Variants in DLGAP1 observed in about 807,000 individuals in gnomAD.
DLGAP1 encodes the protein DLG associated protein 1, also known as disks large-associated protein 1.
Under a neutral mutation model 90.8 loss-of-function variants are expected in DLGAP1, and 11 were observed. That is an observed-to-expected ratio of 0.12 (90% confidence interval 0.08 to 0.20). The LOEUF (loss-of-function observed/expected upper bound fraction) is 0.20, where lower values mean the gene tolerates loss of function less well. DLGAP1 is among the 10% of genes least tolerant of loss of function. The pLI is 1.00. For missense variants in DLGAP1, 1,050 were observed against 1,333.8 expected, an observed-to-expected ratio of 0.79 and a Z score of 3.31; for synonymous variants, 558 against 540.7, an observed-to-expected ratio of 1.03 and a Z score of -0.44.
chr18:3,640,735 C>T (rs1395945478), intron 7 of DLGAP1, among the ~76,000 whole-genome samples: 4 of 152,260 alleles, frequency 2.6e-5, no homozygotes, highest in Admixed American at 1.3e-4. Flanking sequence ...CTGTGCTTTA[C>T]AGCAAACCTT....
chr18:3,527,795 G>A (rs893604902), intron 10 of DLGAP1, among the ~76,000 whole-genome samples: 33 of 151,996 alleles, frequency 2.2e-4, no homozygotes, highest in Non-Finnish European at 1.5e-5. Context: ...TAGGGTCTCT[G>A]TTGCCCAGGC....
chr18:3,550,086 G>C (rs1190648567), intron 9 of DLGAP1, among the ~76,000 whole-genome samples: 1 of 148,556 alleles, frequency 6.7e-6, no homozygotes, highest in Admixed American at 6.7e-5. Context: ...GCTAATTTTT[G>C]TATTTTTAGT....
chr18:3,666,244 T>C (rs1043266841), intron 7 of DLGAP1, among the ~76,000 whole-genome samples: 1 of 152,176 alleles, frequency 6.6e-6, no homozygotes, highest in Admixed American at 6.5e-5. Flanking sequence ...TTGCAAATAA[T>C]ATCACAAAAC....
intron 4 of DLGAP1, among the ~76,000 whole-genome samples, chr18:3,841,494 T>A (rs1022072587): frequency 2.0e-5 from 3 of 152,196 alleles, no homozygotes; most frequent in Admixed American, 2.0e-4. Flanking sequence ...TCCTTATACA[T>A]TTTTAAGAAT....
At chr18:3,930,047 C>CACCAGGTATTATCTTAA (rs2072481695) in intron 3 of DLGAP1, among the ~76,000 whole-genome samples, 1 of 152,174 alleles carries the variant, frequency 6.6e-6, no homozygotes, top group Non-Finnish European at 1.5e-5. Flanking sequence ...GGGCTAATAA[C>CACCAGGTATTATCTTAA]ACCAGGTATT....
chr18:4,380,523 A>C (rs75223629), intron 1 of DLGAP1, among the ~76,000 whole-genome samples: 3,311 of 152,242 alleles, frequency 0.022, 57 homozygotes, highest in African/African-American at 0.046. Flanking sequence ...TAGATGATCT[A>C]TGTGAAGGTT....
At chr18:4,102,143 C>CA (rs565102400) in intron 2 of DLGAP1, among the ~76,000 whole-genome samples, 75 of 152,148 alleles carry the variant, frequency 4.9e-4, no homozygotes, top group African/African-American at 1.7e-3. Context: ...ACTTTTTACC[C>CA]AAAATAGATG....
chr18:4,072,999 C>T (rs1049473905), intron 2 of DLGAP1, among the ~76,000 whole-genome samples: 1 of 152,130 alleles, frequency 6.6e-6, no homozygotes, highest in African/African-American at 2.4e-5. Flanking sequence ...CTGGACTCCC[C>T]ATTACAAACA....
rs534573421 is a variant in DLGAP1, at chr18:4,342,056, A to C, written c.-267+112950T>G. On this transcript the variant is annotated intron_variant, in intron 1 of 12. Coordinates refer to ENST00000315677, the MANE Select transcript of DLGAP1 (RefSeq NM_004746.4). The surrounding 1 kb of genome is among the most constrained non-coding windows in gnomAD (Gnocchi z 5.8). ...GATCATCTTCAGAATTTCTGAGCGGATAAAGTCCTCGGCATGCGGTGAACA... is the reference window on the plus strand; with the variant it reads ...GATCATCTTCAGAATTTCTGAGCGGCTAAAGTCCTCGGCATGCGGTGAACA... Among the ~76,000 whole-genome samples, 22 of 152,292 alleles carry C rather than the reference A, an allele frequency of 1.4e-4. No individual in the cohort carries two copies. The highest frequency in any genetic ancestry group is 1.5e-4 in the Non-Finnish European group (10 of 68,010).
At chr18:4,125,645 A>C (rs529832326) in intron 2 of DLGAP1, among the ~76,000 whole-genome samples, 1 of 144,756 alleles carries the variant, frequency 6.9e-6, no homozygotes, top group Non-Finnish European at 1.5e-5. Flanking sequence ...ACAAACAAAA[A>C]CAAACAAACG....
At chr18:3,748,621 A>T (rs1009530395) in intron 5 of DLGAP1, among the ~76,000 whole-genome samples, 2 of 152,334 alleles carry the variant, frequency 1.3e-5, no homozygotes, top group East Asian at 3.9e-4. Context: ...CAGGAGGTTA[A>T]TCTAACTTCA....
At chr18:4,386,616 G>A (rs181844403) in intron 1 of DLGAP1, among the ~76,000 whole-genome samples, 160 of 152,320 alleles carry the variant, frequency 1.1e-3, no homozygotes, top group Non-Finnish European at 1.7e-3. Flanking sequence ...GTTAATACAG[G>A]TGATAATGGG....
chr18:4,237,610 T>C (rs1308230487), intron 1 of DLGAP1, among the ~76,000 whole-genome samples: 1 of 152,062 alleles, frequency 6.6e-6, no homozygotes, highest in Non-Finnish European at 1.5e-5. Flanking sequence ...AAGATCCTTC[T>C]AATACATTCT....
intron 1 of DLGAP1, among the ~76,000 whole-genome samples, chr18:4,198,049 G>A (rs752212423): frequency 2.0e-5 from 3 of 151,790 alleles, no homozygotes; most frequent in South Asian, 2.1e-4. Flanking sequence ...GTGAAACCCC[G>A]TCTCTACTAA....
intron 7 of DLGAP1, chr18:3,721,804 C>G: frequency 6.6e-6 from 1 of 152,288 alleles, no homozygotes; most frequent in East Asian, 1.9e-4. Context: ...ATTTCACTTA[C>G]TAGCTGTGTG....
chr18:4,215,184 G>A (rs551822590), intron 1 of DLGAP1, among the ~76,000 whole-genome samples: 39 of 152,106 alleles, frequency 2.6e-4, no homozygotes, highest in Non-Finnish European at 5.4e-4. Context: ...AAAATATTTT[G>A]AAATGATGCC....
At chr18:4,181,054 G>A (rs1434112378) in intron 1 of DLGAP1, among the ~76,000 whole-genome samples, 1 of 152,164 alleles carries the variant, frequency 6.6e-6, no homozygotes, top group African/African-American at 2.4e-5. Flanking sequence ...TTAGATAAGA[G>A]TGTCTCACAT....
At chr18:4,416,765 C>G (rs1030538150) in intron 1 of DLGAP1, among the ~76,000 whole-genome samples, 7 of 152,184 alleles carry the variant, frequency 4.6e-5, no homozygotes, top group African/African-American at 1.7e-4. Context: ...TGCCTGTTTT[C>G]CAACCCATCA....
chr18:3,929,005 C>T (rs2072456041), intron 3 of DLGAP1, among the ~76,000 whole-genome samples: 1 of 152,160 alleles, frequency 6.6e-6, no homozygotes, highest in South Asian at 2.1e-4. Flanking sequence ...ACCCTTTGCT[C>T]TGTCTTCCTC....
Sources: gnomAD v4.1 joint callset for allele counts (sites outside exome capture counted in the v4.1 genomes callset) on GRCh38, gnomAD v4.1.1 for gene constraint, Gnocchi (gnomAD v3.1) non-coding constraint, MANE v1.5 for transcripts, NCBI Gene and HGNC (gene_info 2026-07-23, HGNC 2026-07-21) for gene names.